Variants in CYP19A1 observed in about 807,000 individuals in gnomAD.
CYP19A1 encodes cytochrome P450 family 19 subfamily A member 1.
CYP19A1 carries 32 observed loss-of-function variants against 44.4 expected under a neutral mutation model. The observed-to-expected ratio is 0.72, with a 90% CI of 0.54 to 0.97. CYP19A1 has a LOEUF of 0.97. Among genes scored for constraint, CYP19A1 ranks in the 50% least tolerant of loss-of-function variants. The pLI is 0.00. For missense variants in CYP19A1, 598 were observed against 637.8 expected (o/e 0.94, Z 0.67); for synonymous variants, 212 against 215.6 (o/e 0.98, Z 0.14).
At chr15:51,312,519 T>C (rs1342532607) in intron 1 of CYP19A1, 1 of 152,306 alleles carries the variant, frequency 6.6e-6, no homozygotes, top group Non-Finnish European at 1.5e-5. Context: ...CTAGCTTCTC[T>C]GGCTTCCAAA....
intron 8 of CYP19A1, among the ~76,000 whole-genome samples, chr15:51,212,867 G>T (rs1357332651): frequency 6.6e-6 from 1 of 152,170 alleles, no homozygotes; most frequent in Non-Finnish European, 1.5e-5. Context: ...GGCTGACGCT[G>T]AGTGGCCAAT....
At chr15:51,326,309 G>A (rs995431206) in intron 1 of CYP19A1, among the ~76,000 whole-genome samples, 1 of 152,122 alleles carries the variant, frequency 6.6e-6, no homozygotes, top group African/African-American at 2.4e-5. Flanking sequence ...GGCCAGAGGC[G>A]AAGCTCTTCT....
At chr15:51,287,937 A>G (rs1447907528) in intron 1 of CYP19A1, among the ~76,000 whole-genome samples, 1 of 152,238 alleles carries the variant, frequency 6.6e-6, no homozygotes, top group Admixed American at 6.5e-5. Flanking sequence ...CATAAGCTAA[A>G]GAGTATTACT....
chr15:51,234,662 CA>C (rs1290116097), intron 3 of CYP19A1, among the ~76,000 whole-genome samples: 9 of 152,144 alleles, frequency 5.9e-5, no homozygotes, highest in African/African-American at 2.2e-4. Flanking sequence ...ACCAGTCCTG[CA>C]TCGCTGCTTC....
rs1012991458 is a variant in CYP19A1, at chr15:51,282,560, C to T, written c.-38-39610G>A. ...AGTCTGGGCTTCCAGAGCTCAGGGC[C>T]TTCACAGCCTCCATACTTGCGTTGG... On this transcript the variant is annotated intron_variant, in intron 1 of 9. Transcript: ENST00000396402. 3.9e-5 allele frequency among the ~76,000 whole-genome samples: 6 copies of T among 152,226 alleles called. 1 individual carries two copies. The highest frequency in any genetic ancestry group is 1.4e-4 in the African/African-American group (6 of 41,452).
intron 1 of CYP19A1, 169 bp from the exon 2 acceptor site, chr15:51,243,119 C>T: frequency 1.7e-6 from 1 of 583,490 alleles, no homozygotes; most frequent in Non-Finnish European, 3.1e-6. Flanking sequence ...CAAGGAAGCC[C>T]AAGAAAGATC....
intron 1 of CYP19A1, among the ~76,000 whole-genome samples, chr15:51,259,920 T>C (rs1013054924): frequency 2.0e-5 from 3 of 152,218 alleles, no homozygotes; most frequent in Non-Finnish European, 2.9e-5. Context: ...GATTCCAGTA[T>C]TGGGGAGAGA....
chr15:51,327,025 C>G (rs2036618692), intron 1 of CYP19A1, among the ~76,000 whole-genome samples: 1 of 127,580 alleles, frequency 7.8e-6, no homozygotes, highest in Non-Finnish European at 1.6e-5. Flanking sequence ...CCTACTCCCA[C>G]TACATTTCCA....
intron 1 of CYP19A1, among the ~76,000 whole-genome samples, chr15:51,328,194 T>C (rs1010872624): frequency 6.6e-6 from 1 of 152,244 alleles, no homozygotes; most frequent in African/African-American, 2.4e-5. Context: ...CTTCACTCTA[T>C]GCTGCATTCC....
At chr15:51,247,032 T>C (rs769663193) in intron 1 of CYP19A1, among the ~76,000 whole-genome samples, 1 of 152,178 alleles carries the variant, frequency 6.6e-6, no homozygotes, top group Non-Finnish European at 1.5e-5. Flanking sequence ...ACCTCTTCCC[T>C]GTCTATGTTT....
chr15:51,294,680 G>GA (rs1247681044), intron 1 of CYP19A1, among the ~76,000 whole-genome samples: 1 of 85,626 alleles, frequency 1.2e-5, no homozygotes, highest in Non-Finnish European at 2.0e-5. Context: ...GGAGGGAGGT[G>GA]GGGGGTCAGC....
intron 1 of CYP19A1, among the ~76,000 whole-genome samples, chr15:51,295,663 C>T (rs999480): frequency 0.15 from 23,221 of 152,088 alleles, 3,392 homozygotes; most frequent in African/African-American, 0.37. Flanking sequence ...ATGGAAAAAC[C>T]AAGTCTAAAC....
chr15:51,277,542 TTAAAAAGC>T (rs1265272301), intron 1 of CYP19A1, among the ~76,000 whole-genome samples: 1 of 152,220 alleles, frequency 6.6e-6, no homozygotes, highest in African/African-American at 2.4e-5. Flanking sequence ...TGACATTGGA[TTAAAAAGC>T]TAAAGTTTGA....
At chr15:51,223,579 TCTCTCTCTCTCTCTCA>T (rs2032303910) in intron 4 of CYP19A1, among the ~76,000 whole-genome samples, 1 of 84,664 alleles carries the variant, frequency 1.2e-5, no homozygotes, top group African/African-American at 4.1e-5. Context: ...TTGCTCTCTC[TCTCTCTCTCTCTCTCA>T]CACACACACA....
chr15:51,320,414 A>T (rs2036507306), intron 1 of CYP19A1: 1 of 152,374 alleles, frequency 6.6e-6, no homozygotes. Flanking sequence ...TGCCCTGAGA[A>T]GGCTTTTTAT....
intron 1 of CYP19A1, among the ~76,000 whole-genome samples, chr15:51,332,893 C>T (rs1375356912): frequency 1.3e-5 from 2 of 152,188 alleles, no homozygotes; most frequent in African/African-American, 2.4e-5. Flanking sequence ...GTAAGATTTT[C>T]TTTTCATCCT....
intron 2 of CYP19A1, 135 bp from the exon 3 acceptor site, chr15:51,237,144 A>G (rs2141107028): frequency 3.9e-6 from 4 of 1,021,632 alleles, no homozygotes; most frequent in South Asian, 1.5e-5. Flanking sequence ...TCACGAATAA[A>G]GTGATTTGAA....
intron 1 of CYP19A1, chr15:51,338,056 T>G (rs1023831768): frequency 2.0e-5 from 3 of 152,254 alleles, no homozygotes; most frequent in Non-Finnish European, 4.4e-5. Context: ...GGGCAGCTTC[T>G]TGGCCTGAAG....
At chr15:51,220,282 C>T (rs1289216574) in intron 5 of CYP19A1, among the ~76,000 whole-genome samples, 1 of 152,218 alleles carries the variant, frequency 6.6e-6, no homozygotes, top group Non-Finnish European at 1.5e-5. Context: ...CCTTCACTTC[C>T]TGTCCTCTTG....
Sources: allele counts gnomAD v4.1 joint callset (sites outside exome capture counted in the v4.1 genomes callset), GRCh38; gene constraint gnomAD v4.1.1; transcripts MANE v1.5; gene names NCBI Gene and HGNC (gene_info 2026-07-23, HGNC 2026-07-21).